BCR: variants seen among roughly 807,000 people sequenced by gnomAD.
The protein encoded by BCR is breakpoint cluster region protein.
In BCR, 58 loss-of-function variants were observed where a neutral mutation model predicts 138.6. That is an observed-to-expected ratio of 0.42 (90% CI 0.34 to 0.52). BCR has a LOEUF of 0.52. Among genes scored for constraint, BCR ranks in the 20% least tolerant of loss-of-function variants. The pLI, the probability that BCR is intolerant of heterozygous loss-of-function variation, is 0.06. For synonymous variants in BCR, 786 were observed against 730.1 expected, an observed-to-expected ratio of 1.08 and a Z score of -1.23; for missense variants, 1,599 against 1,727.2, an observed-to-expected ratio of 0.93 and a Z score of 1.32.
chr22:23,200,805 C>T (rs1448804805), intron 1 of BCR, among the ~76,000 whole-genome samples: 1 of 152,148 alleles, frequency 6.6e-6, no homozygotes, highest in African/African-American at 2.4e-5. Context: ...AGCGATCCAC[C>T]CGCCTTGGCC....
At chr22:23,223,063 A>G (rs2072845091) in intron 1 of BCR, among the ~76,000 whole-genome samples, 1 of 152,178 alleles carries the variant, frequency 6.6e-6, no homozygotes, top group South Asian at 2.1e-4. Flanking sequence ...TTGTAAAGGC[A>G]TTAATTTCAT....
chr22:23,289,228 C>T (rs566808939), intron 12 of BCR, among the ~76,000 whole-genome samples: 9 of 152,384 alleles, frequency 5.9e-5, no homozygotes, highest in African/African-American at 2.2e-4. Flanking sequence ...AGTCCAGCCA[C>T]TCATTCTCAG....
Position 23,208,785 on chromosome 22 carries a change from GC to G in BCR, c.1279+26547del, listed in dbSNP as rs200465189. On this transcript the variant is annotated intron_variant, in intron 1 of 22. Transcript: ENST00000305877. Reference sequence around the variant, plus strand: ...CAGGAGAATCGCTTGAACCCGGGAGGCGGAGGTTGCAGCGAACTGAGATCGG... The same window carrying G: ...CAGGAGAATCGCTTGAACCCGGGAGGGGAGGTTGCAGCGAACTGAGATCGG... 3.1e-3 allele frequency among the ~76,000 whole-genome samples: 467 copies of G among 152,180 alleles called. 10 individuals carry two copies. The East Asian group carries it at 0.066, about 21-fold the overall frequency.
At chr22:23,305,926 T>TCCAAACC (rs1049492598) in intron 16 of BCR, among the ~76,000 whole-genome samples, 1 of 152,194 alleles carries the variant, frequency 6.6e-6, no homozygotes, top group African/African-American at 2.4e-5. Context: ...CATCTGTTTT[T>TCCAAACC]CCAAACCCCA....
At chr22:23,310,696 T>A (rs3865746) in intron 18 of BCR, among the ~76,000 whole-genome samples, 87 of 152,242 alleles carry the variant, frequency 5.7e-4, no homozygotes, top group African/African-American at 1.8e-3. Context: ...GCTTGGAATT[T>A]ATCACGGTCC....
intron 1 of BCR, among the ~76,000 whole-genome samples, chr22:23,182,861 A>G (rs1484745545): frequency 6.6e-6 from 1 of 152,230 alleles, no homozygotes; most frequent in East Asian, 1.9e-4. Context: ...GTTGTGACTC[A>G]GTGGGCCACC....
At chr22:23,191,855 G>A (rs1028966474) in intron 1 of BCR, among the ~76,000 whole-genome samples, 1 of 152,200 alleles carries the variant, frequency 6.6e-6, no homozygotes, top group African/African-American at 2.4e-5. Flanking sequence ...GTGGCCCGGC[G>A]ATGAAACGTT....
Position 23,181,398 on chromosome 22 carries a change from A to AC in BCR, c.444dup (p.Ala149ArgfsTer119), listed in dbSNP as rs1354515019. On this transcript the variant is annotated frameshift_variant, in exon 1 of 23. Transcript: ENST00000305877. LOFTEE classifies it high-confidence loss of function. ...CGTCGGGGGAACGGGACGACCGGGG[A>AC]CCCCCCGCCAGCGTGGCGGCGCTCA... 1 of 1,556,908 alleles carries AC rather than the reference A, an allele frequency of 6.4e-7. No individual in the cohort carries two copies. Among genetic ancestry groups the AC allele is most frequent in the Non-Finnish European group, 8.7e-7 (1 of 1,152,202 alleles).
chr22:23,256,346 G>A (rs181332029), intron 2 of BCR, among the ~76,000 whole-genome samples: 5 of 152,218 alleles, frequency 3.3e-5, no homozygotes, highest in African/African-American at 4.8e-5. Context: ...ATACCCACTC[G>A]TAGTGCAGAC....
chr22:23,263,141 G>T (rs369197501), intron 4 of BCR: 93 of 721,252 alleles, frequency 1.3e-4, no homozygotes, highest in Admixed American at 3.6e-4. Context: ...CGGCCATGGC[G>T]GCGGCAGCCA....
intron 4 of BCR, chr22:23,262,087 A>ACGCCATCACACCCTGTGTG (rs66937157): frequency 1.7e-4 from 25 of 151,468 alleles, no homozygotes; most frequent in Admixed American, 3.3e-4. Flanking sequence ...CTACAGGTGC[A>ACGCCATCACACCCTGTGTG]CGCCATCACA....
chr22:23,307,078 G>C (rs2073959626), intron 16 of BCR, among the ~76,000 whole-genome samples: 1 of 152,196 alleles, frequency 6.6e-6, no homozygotes, highest in African/African-American at 2.4e-5. Context: ...TGCTTAACAT[G>C]TTTCTGTGTT....
intron 1 of BCR, among the ~76,000 whole-genome samples, chr22:23,224,119 C>T (rs992032133): frequency 2.6e-5 from 4 of 152,202 alleles, no homozygotes; most frequent in East Asian, 1.9e-4. Context: ...CAGGCTCGGG[C>T]GCAGATCTCT....
intron 1 of BCR, among the ~76,000 whole-genome samples, chr22:23,194,234 A>G (rs1373559396): frequency 6.6e-6 from 1 of 152,200 alleles, no homozygotes; most frequent in African/African-American, 2.4e-5. Context: ...CCTTAGGAAC[A>G]TGGATAAAAA....
chr22:23,204,108 C>T (rs1442624297), intron 1 of BCR, among the ~76,000 whole-genome samples: 1 of 152,128 alleles, frequency 6.6e-6, no homozygotes, highest in Non-Finnish European at 1.5e-5. Flanking sequence ...AGAGGAATGG[C>T]CCCTTCTTCA....
intron 1 of BCR, among the ~76,000 whole-genome samples, chr22:23,242,148 C>T (rs951096810): frequency 3.3e-5 from 5 of 152,074 alleles, no homozygotes; most frequent in East Asian, 3.9e-4. Flanking sequence ...GACAAGTGGC[C>T]GAAGCAAGAT....
At chr22:23,312,300 G>A (rs1342894257) in intron 19 of BCR, 2 of 180,990 alleles carry the variant, frequency 1.1e-5, no homozygotes, top group East Asian at 2.7e-4. Context: ...GACCCCAGAG[G>A]GTCCCTCCCA....
chr22:23,202,747 G>GTATA (rs200927033), intron 1 of BCR, among the ~76,000 whole-genome samples: 23 of 145,144 alleles, frequency 1.6e-4, no homozygotes, highest in African/African-American at 4.8e-4. Flanking sequence ...GTGTGTGTGT[G>GTATA]TATATATATA....
chr22:23,270,066 C>G (rs749932538), intron 5 of BCR, among the ~76,000 whole-genome samples: 3 of 151,874 alleles, frequency 2.0e-5, no homozygotes, highest in Admixed American at 6.6e-5. Flanking sequence ...CTCTGTGTTT[C>G]AAAAAAGACC....
Sources: gnomAD v4.1 joint callset for allele counts (sites outside exome capture counted in the v4.1 genomes callset) on GRCh38, gnomAD v4.1.1 for gene constraint, MANE v1.5 for transcripts, NCBI Gene and HGNC (gene_info 2026-07-23, HGNC 2026-07-21) for gene names.